ZNF717: variants seen among roughly 807,000 people sequenced by gnomAD.
ZNF717 encodes zinc finger protein 717, also known as krueppel-like factor X17.
ZNF717 carries 9 observed loss-of-function variants against 13.8 expected under a neutral mutation model. The ratio of observed to expected loss-of-function variants is 0.65; its 90% CI spans 0.39 to 1.14. The LOEUF (loss-of-function observed/expected upper bound fraction) is 1.14, where lower values mean the gene tolerates loss of function less well. Among genes scored for constraint, ZNF717 ranks in the 50% most tolerant of loss-of-function variants. The pLI, the probability that ZNF717 is intolerant of heterozygous loss-of-function variation, is 0.01. For missense variants in ZNF717, 1,040 were observed against 1,080.7 expected (o/e 0.96, Z 0.53); for synonymous variants, 327 against 364.1 (o/e 0.90, Z 1.16).
chr3:75,708,937 C>T (rs1352246354), downstream of ZNF717, among the ~76,000 whole-genome samples: 2 of 151,912 alleles, frequency 1.3e-5, no homozygotes, highest in African/African-American at 2.4e-5. Context: ...AGGCACATTA[C>T]ATGGTGAGAG....
At chr3:75,699,230 G>GA (rs150882139) in intron 6 of ZNF717, among the ~76,000 whole-genome samples, 15,298 of 99,314 alleles carry the variant, frequency 0.15, no homozygotes, top group Non-Finnish European at 0.24. Context: ...CTTTGTCTTA[G>GA]ATGAGACTTT....
intron 2 of ZNF717, among the ~76,000 whole-genome samples, chr3:75,778,417 G>A (rs1285792944): frequency 1.4e-5 from 2 of 147,438 alleles, no homozygotes; most frequent in African/African-American, 5.2e-5. Flanking sequence ...TGGGAGTGAT[G>A]TGCTAAAACC....
At chr3:75,726,671 TTGA>T (rs1363894980), downstream of ZNF717, among the ~76,000 whole-genome samples, 3 of 152,272 alleles carry the variant, frequency 2.0e-5, no homozygotes, top group Admixed American at 6.5e-5. Context: ...ATCCTGGGCC[TTGA>T]TGAGAGAGAT....
At position 75,719,969 on chromosome 3, in the gene ZNF717, T is replaced by C. The variant is rs1487403965; in HGVS notation, n.545-3428A>G. On this transcript the variant is annotated intron_variant and non_coding_transcript_variant, in intron 4 of 5. Coordinates refer to the ZNF717 transcript ENST00000491507. ...GTGAAACTCCATCTCAAAATAATAATAAATAATAATAATAATAATAATAAT... is the reference window on the plus strand; with the variant it reads ...GTGAAACTCCATCTCAAAATAATAACAAATAATAATAATAATAATAATAAT... Among the ~76,000 whole-genome samples the C allele has an allele frequency of 9.9e-5, 5 of 50,722 alleles. No individual in the cohort carries two copies. In the South Asian group the frequency reaches 2.6e-3, roughly 27 times the overall value. 33.3% of individuals were successfully genotyped at this position (50,722 alleles called of 152,430 possible).
In ZNF717 at chr3:75,736,824, A is replaced by G. The variant is rs1379442252; in HGVS notation, c.*54T>C. On this transcript the variant is annotated 3_prime_UTR_variant, in exon 5 of 5. Coordinates refer to ENST00000652011, the MANE Select transcript of ZNF717 (RefSeq NM_001290208.3). ...TCACCATTTGTGTCCATATTCTCCTAGACTGAGCATGGAGAAATCTGTAAT... is the reference window on the plus strand; with the variant it reads ...TCACCATTTGTGTCCATATTCTCCTGGACTGAGCATGGAGAAATCTGTAAT... The G allele has an allele frequency of 5.4e-6, 8 of 1,479,500 alleles. No homozygotes were observed. The highest frequency in any genetic ancestry group is 4.7e-5 in the Admixed American group (2 of 42,766). The allele number at this position is 1,479,500 out of a possible 1,614,324, so 91.6% of individuals were successfully genotyped here. A position where few individuals can be genotyped will look rare whatever the true frequency, so the allele number is the denominator to read the frequency against.
chr3:75,776,903 A>G (rs111322212), intron 2 of ZNF717, among the ~76,000 whole-genome samples: 254 of 152,338 alleles, frequency 1.7e-3, no homozygotes, highest in African/African-American at 5.2e-3. Flanking sequence ...GAATTAACAA[A>G]AAACCGACTT....
intron 2 of ZNF717, among the ~76,000 whole-genome samples, chr3:75,746,022 G>A (rs1217117066): frequency 6.6e-6 from 1 of 151,868 alleles, no homozygotes; most frequent in Admixed American, 6.6e-5. Context: ...ATCCCACCCT[G>A]CTCCCCCTAC....
At chr3:75,731,503 G>A (rs1938547536), downstream of ZNF717, among the ~76,000 whole-genome samples, 1 of 151,944 alleles carries the variant, frequency 6.6e-6, no homozygotes. Context: ...AGATGTTAAG[G>A]TGAGCTGAGA....
chr3:75,777,615 T>C (rs1452214962), intron 2 of ZNF717, among the ~76,000 whole-genome samples: 1 of 149,840 alleles, frequency 6.7e-6, no homozygotes, highest in Admixed American at 6.7e-5. Flanking sequence ...AGTGATTTGC[T>C]AAAACCGGAA....
At chr3:75,722,308 CA>C (rs1480752779) in intron 4 of ZNF717, among the ~76,000 whole-genome samples, 1 of 152,058 alleles carries the variant, frequency 6.6e-6, no homozygotes, top group Non-Finnish European at 1.5e-5. Context: ...TTCATGCTAA[CA>C]AAATAGTACT....
intron 6 of ZNF717, among the ~76,000 whole-genome samples, chr3:75,704,345 C>T (rs1323456281): frequency 2.2e-4 from 33 of 152,290 alleles, no homozygotes; most frequent in East Asian, 3.9e-4. Flanking sequence ...CAACATCTTT[C>T]GGCAATATCA....
downstream of ZNF717, among the ~76,000 whole-genome samples, chr3:75,733,325 A>T (rs1938754952): frequency 6.6e-6 from 1 of 152,262 alleles, no homozygotes; most frequent in Admixed American, 6.5e-5. Flanking sequence ...TTAATGTCAG[A>T]CACCAAACCA....
downstream of ZNF717, among the ~76,000 whole-genome samples, chr3:75,727,825 C>G (rs1938318717): frequency 1.3e-5 from 2 of 152,186 alleles, no homozygotes; most frequent in Non-Finnish European, 2.9e-5. Flanking sequence ...ACATCCCCTC[C>G]CCTTTCAAAA....
downstream of ZNF717, among the ~76,000 whole-genome samples, chr3:75,734,817 A>ATATT (rs1938959984): frequency 3.5e-5 from 2 of 57,548 alleles, no homozygotes; most frequent in Non-Finnish European, 6.7e-5. Context: ...ATATATATAT[A>ATATT]TTTTTTTTTT....
chr3:75,712,527 C>G (rs1463813983), intron 5 of ZNF717, among the ~76,000 whole-genome samples: 1 of 138,428 alleles, frequency 7.2e-6, no homozygotes. Context: ...TGGTCACATG[C>G]AAAACATCTT....
At chr3:75,718,447 T>C (rs1408501408) in intron 4 of ZNF717, among the ~76,000 whole-genome samples, 125 of 152,208 alleles carry the variant, frequency 8.2e-4, no homozygotes, top group African/African-American at 2.7e-3. Context: ...GTCCTGGGAG[T>C]CTAACTTACT....
intron 2 of ZNF717, among the ~76,000 whole-genome samples, chr3:75,777,338 CA>C (rs1944403355): frequency 8.1e-6 from 1 of 124,076 alleles, no homozygotes; most frequent in Non-Finnish European, 1.7e-5. Flanking sequence ...GTGCTAAAAC[CA>C]GAAACCAAAA....
chr3:75,728,848 A>G (rs1419566565), downstream of ZNF717, among the ~76,000 whole-genome samples: 1 of 152,200 alleles, frequency 6.6e-6, no homozygotes, highest in Non-Finnish European at 1.5e-5. Context: ...CCTTTGTCTC[A>G]GTGAATCTCA....
chr3:75,746,643 C>T (rs1326883210), intron 2 of ZNF717, among the ~76,000 whole-genome samples: 1 of 152,112 alleles, frequency 6.6e-6, no homozygotes, highest in Non-Finnish European at 1.5e-5. Context: ...TGATGATGAC[C>T]ATTTTTTCAT....
Sources: allele counts gnomAD v4.1 joint callset (sites outside exome capture counted in the v4.1 genomes callset), GRCh38; gene constraint gnomAD v4.1.1; transcripts MANE v1.5; gene names NCBI Gene and HGNC (gene_info 2026-07-23, HGNC 2026-07-21).